The following EVI5L variants were observed in gnomAD, a reference collection of about 807,000 sequenced individuals.
The protein encoded by EVI5L is ecotropic viral integration site 5 like, also known as EVI5-like protein.
Under a neutral mutation model 106.1 loss-of-function variants are expected in EVI5L, and 30 were observed. The observed-to-expected ratio is 0.28, with a 90% CI of 0.21 to 0.38. EVI5L has a LOEUF of 0.38. EVI5L is among the 10% of genes least tolerant of loss of function. EVI5L has a pLI of 1.00. For missense variants in EVI5L, 809 were observed against 1,098.0 expected (o/e 0.74, Z 3.72); for synonymous variants, 489 against 483.3 (o/e 1.01, Z -0.15).
In EVI5L at chr19:7,863,312, C is replaced by T; in HGVS notation, c.2139+32C>T. The T allele has an allele frequency of 3.9e-6, 6 of 1,549,578 alleles. No homozygotes were observed. The highest frequency in any genetic ancestry group is 5.2e-6 in the Non-Finnish European group (6 of 1,146,650). ...CGGCGCGGGGATGCCGGGGACAGGC[C>T]TGGGTGTCGTCGGCCTGGGACGAGC... is the stretch of plus-strand genomic sequence containing the variant. On this transcript the variant is annotated intron_variant, in intron 19 of 19. Coordinates refer to ENST00000538904, the MANE Select transcript of EVI5L (RefSeq NM_001159944.3). The surrounding 1 kb of genome is among the most constrained non-coding windows in gnomAD (Gnocchi z 7.7).
intron 8 of EVI5L, 29 bp from the exon 9 acceptor site, chr19:7,853,057 T>C (rs1338544704): frequency 1.2e-6 from 2 of 1,612,770 alleles, no homozygotes; most frequent in South Asian, 2.2e-5. Context: ...TGCATGTTGG[T>C]GACCAGGTGA....
Position 7,863,313 on chromosome 19 carries a change from T to C in EVI5L, c.2139+33T>C. 6.5e-7 allele frequency: 1 copy of C among 1,549,212 alleles called. No individual in the cohort carries two copies. Among genetic ancestry groups the C allele is most frequent in the Non-Finnish European group, 8.7e-7 (1 of 1,146,448 alleles). The stretch of plus-strand genomic sequence containing the variant: ...GGCGCGGGGATGCCGGGGACAGGCC[T>C]GGGTGTCGTCGGCCTGGGACGAGCC... On this transcript the variant is annotated intron_variant, in intron 19 of 19. Coordinates refer to ENST00000538904, the MANE Select transcript of EVI5L (RefSeq NM_001159944.3). This position sits in a 1 kb window ranked among gnomAD's most constrained non-coding sequence, Gnocchi z 7.7.
chr19:7,858,311 C>T lies in EVI5L; in HGVS notation c.1354C>T (p.Arg452Trp). The T allele has an allele frequency of 1.3e-6, 2 of 1,548,102 alleles. No individual in the cohort carries two copies. Among genetic ancestry groups the T allele is most frequent in the South Asian group, 1.2e-5 (1 of 84,022 alleles). The change falls in exon 13 of 20, where the codon CGG becomes TGG. Residue 452 changes from arginine to tryptophan, a missense_variant. Physicochemically the swap from Arg to Trp is moderately radical, Grantham distance 101. This residue lies in a region of EVI5L where 452 missense variants were observed against 509.9 expected (regional missense o/e 0.89). Transcript: ENST00000538904. The surrounding 1 kb of genome is among the most constrained non-coding windows in gnomAD (Gnocchi z 5.7). ...EDLQKAQSTI[R>W]QLQEQQENPR... Reference sequence around the variant, plus strand: ...CCTGCAGAAGGCACAGAGCACCATCCGGCAGCTACAGGAGCAGCAGGTAGG... The same window carrying T: ...CCTGCAGAAGGCACAGAGCACCATCTGGCAGCTACAGGAGCAGCAGGTAGG...
chr19:7,859,838 G>A (rs1979716378), intron 13 of EVI5L, among the ~76,000 whole-genome samples: 1 of 152,266 alleles, frequency 6.6e-6, no homozygotes, highest in African/African-American at 2.4e-5. Flanking sequence ...GGGGCCTGGA[G>A]GCCATCTGGG....
Position 7,864,142 on chromosome 19 carries a change from G to A in EVI5L, c.*440G>A, listed in dbSNP as rs142824477. 1.5e-3 allele frequency: 257 copies of A among 167,586 alleles called. No homozygotes were observed. Among genetic ancestry groups the A allele is most frequent in the African/African-American group, 5.8e-3 (245 of 42,096 alleles). 10.4% of individuals were successfully genotyped at this position (167,586 alleles called of 1,614,324 possible). On this transcript the variant is annotated 3_prime_UTR_variant, in exon 20 of 20. Coordinates refer to ENST00000538904, the MANE Select transcript of EVI5L (RefSeq NM_001159944.3). This position sits in a 1 kb window ranked among gnomAD's most constrained non-coding sequence, Gnocchi z 4.5. ...TAGCCGAGGCCTGAGGAAGGAGAGC[G>A]CCAGCTCTGGGCTGGACATCAGCAC...
Position 7,863,646 on chromosome 19 carries a change from T to C in EVI5L, c.2362T>C (p.Ser788Pro), listed in dbSNP as rs1215292715. The change falls in exon 20 of 20, where the codon TCA becomes CCA. Residue 788 changes from serine to proline, a missense_variant. Ser to Pro is a moderately conservative substitution (Grantham distance 74). This residue lies in a region of EVI5L where 452 missense variants were observed against 509.9 expected (regional missense o/e 0.89). Transcript: ENST00000538904. This position sits in a 1 kb window ranked among gnomAD's most constrained non-coding sequence, Gnocchi z 7.7. The part of the protein sequence containing the change: ...ERPAKDSEGS[S>P]DSDADELAAP... The stretch of plus-strand genomic sequence containing the variant: ...GCCGGCCAAGGACAGCGAGGGCAGC[T>C]CAGACAGCGACGCCGATGAGCTGGC... 6.5e-7 allele frequency: 1 copy of C among 1,543,380 alleles called. No homozygotes were observed. The highest frequency in any genetic ancestry group is 1.2e-5 in the South Asian group (1 of 83,542).
intron 1 of EVI5L, among the ~76,000 whole-genome samples, chr19:7,844,264 A>G (rs1031849009): frequency 1.3e-5 from 2 of 149,818 alleles, no homozygotes; most frequent in African/African-American, 4.9e-5. Context: ...CCCGGGAGGT[A>G]GAGGTTGCAG....
At position 7,850,840 on chromosome 19, in the gene EVI5L, C is replaced by T. The variant is rs925911282; in HGVS notation, c.754-594C>T. Among the ~76,000 whole-genome samples the T allele has an allele frequency of 1.1e-4, 17 of 152,314 alleles. No homozygotes were observed. The highest frequency in any genetic ancestry group is 2.9e-4 in the African/African-American group (12 of 41,574). Reference sequence around the variant, plus strand: ...CACAGCCAAGCTTGCAAACTCAGGGCGCAGAGAGCCCCTGGCGCTGGGAGG... The same window carrying T: ...CACAGCCAAGCTTGCAAACTCAGGGTGCAGAGAGCCCCTGGCGCTGGGAGG... On this transcript the variant is annotated intron_variant, in intron 6 of 19. Coordinates refer to ENST00000538904, the MANE Select transcript of EVI5L (RefSeq NM_001159944.3). The surrounding 1 kb of genome is among the most constrained non-coding windows in gnomAD (Gnocchi z 5.4).
chr19:7,835,229 C>T lies in EVI5L; in HGVS notation c.-48+4848C>T, dbSNP rs897494666. 2.0e-5 allele frequency among the ~76,000 whole-genome samples: 3 copies of T among 151,964 alleles called. No individual in the cohort carries two copies. The highest frequency in any genetic ancestry group is 6.6e-5 in the Admixed American group (1 of 15,228). On this transcript the variant is annotated intron_variant, in intron 1 of 19. Transcript: ENST00000538904. This position sits in a 1 kb window ranked among gnomAD's most constrained non-coding sequence, Gnocchi z 4.1. ...AAAGATAGAAAGTGGTAGAGGAGGC[C>T]AGGAGCGGTGGCTCACACCTGTAAT...
rs1005200295 is a variant in EVI5L at position 7,863,836 on chromosome 19, C to T, written c.*134C>T. Reference sequence around the variant, plus strand: ...TGGCTCGGCCACCCCTAAAGCGAGGCCCGGCGAGGCAGCGCAGAGGGTAGG... The same window carrying T: ...TGGCTCGGCCACCCCTAAAGCGAGGTCCGGCGAGGCAGCGCAGAGGGTAGG... On this transcript the variant is annotated 3_prime_UTR_variant, in exon 20 of 20. Coordinates refer to ENST00000538904, the MANE Select transcript of EVI5L (RefSeq NM_001159944.3). This position sits in a 1 kb window ranked among gnomAD's most constrained non-coding sequence, Gnocchi z 7.7. 3 of 1,275,338 alleles carry T rather than the reference C, an allele frequency of 2.4e-6. No homozygotes were observed. Among genetic ancestry groups the T allele is most frequent in the Admixed American group, 6.4e-5 (2 of 31,354 alleles). The allele number at this position is 1,275,338 out of a possible 1,614,324, so 79.0% of individuals were successfully genotyped here.
At position 7,857,733 on chromosome 19, in the gene EVI5L, G is replaced by A. The variant is rs1979599388; in HGVS notation, c.1234-458G>A. On this transcript the variant is annotated intron_variant, in intron 12 of 19. Transcript: ENST00000538904. This position sits in a 1 kb window ranked among gnomAD's most constrained non-coding sequence, Gnocchi z 4.5. ...AGGGGGTCTTAGCTCCAGGCAGGTG[G>A]AGGCCCCAGAGCCCAGGACTAGAGA... 1.1e-5 allele frequency: 2 copies of A among 183,408 alleles called. No individual in the cohort carries two copies. The highest frequency in any genetic ancestry group is 5.6e-5 in the Admixed American group (1 of 18,016). 11.4% of individuals were successfully genotyped at this position (183,408 alleles called of 1,614,324 possible).
chr19:7,830,731 G>T (rs1181755736), intron 1 of EVI5L, among the ~76,000 whole-genome samples: 3 of 42,488 alleles, frequency 7.1e-5, no homozygotes, highest in Admixed American at 6.2e-4. Flanking sequence ...CCACTCCGCC[G>T]ATCAGCCCCT....
intron 1 of EVI5L, among the ~76,000 whole-genome samples, chr19:7,842,497 AAAGT>A (rs1211693799): frequency 7.0e-6 from 1 of 142,760 alleles, no homozygotes; most frequent in Non-Finnish European, 1.5e-5. Context: ...GGGATGTGTG[AAAGT>A]GTGTGTATCA....
At chr19:7,851,367 A>G in intron 6 of EVI5L, 67 bp from the exon 7 acceptor site, 8 of 1,549,656 alleles carry the variant, frequency 5.2e-6, no homozygotes, top group Non-Finnish European at 8.7e-7. Flanking sequence ...GGGGACACTG[A>G]GGCCCAGCAC....
rs1244742161 is a variant in EVI5L at position 7,856,614 on chromosome 19, A to G, written c.1201-478A>G. Among the ~76,000 whole-genome samples the G allele has an allele frequency of 6.6e-6, 1 of 151,676 alleles. No individual in the cohort carries two copies. Among genetic ancestry groups the G allele is most frequent in the Non-Finnish European group, 1.5e-5 (1 of 67,896 alleles). On this transcript the variant is annotated intron_variant, in intron 11 of 19. Coordinates refer to ENST00000538904, the MANE Select transcript of EVI5L (RefSeq NM_001159944.3). This position sits in a 1 kb window ranked among gnomAD's most constrained non-coding sequence, Gnocchi z 6.6. ...CAATTCCTGCTCCTCACTCGTCCTC[A>G]CTTGACCCTCCACTGGCCACAGGAA...
rs1341380272 is a variant in EVI5L, at chr19:7,862,890, T to C, written c.1948-82T>C. 6.1e-6 allele frequency: 5 copies of C among 814,446 alleles called. No individual in the cohort carries two copies. In the Admixed American group the frequency reaches 1.5e-4, roughly 25 times the overall value. 50.5% of individuals were successfully genotyped at this position (814,446 alleles called of 1,614,324 possible). A position where few individuals can be genotyped will look rare whatever the true frequency, so the allele number is the denominator to read the frequency against. On this transcript the variant is annotated intron_variant, in intron 17 of 19. Transcript: ENST00000538904. ...CTCCGCCCGCGGCCCCGCCTCCTCA[T>C]TCGCCCCTGCCCGCGGTCCCGCCCC...
At chr19:7,854,599 G>A (rs566720211) in intron 10 of EVI5L, among the ~76,000 whole-genome samples, 10 of 152,278 alleles carry the variant, frequency 6.6e-5, no homozygotes, top group Admixed American at 2.0e-4. Flanking sequence ...GCAATACCCC[G>A]TCTTTACAAA....
Position 7,858,189 on chromosome 19 carries a change from A to C in EVI5L, c.1234-2A>C. The C allele has an allele frequency of 6.4e-7, 1 of 1,559,060 alleles. No individual in the cohort carries two copies. Among genetic ancestry groups the C allele is most frequent in the Non-Finnish European group, 8.7e-7 (1 of 1,151,642 alleles). ...CCTGCCCCCTGTCCTCGCTGTTCTC[A>C]GGGGCAAGTGACACGGGCGCAGGAG... On this transcript the variant is annotated splice_acceptor_variant, in intron 12 of 19. Coordinates refer to ENST00000538904, the MANE Select transcript of EVI5L (RefSeq NM_001159944.3). LOFTEE classifies it high-confidence loss of function. The surrounding 1 kb of genome is among the most constrained non-coding windows in gnomAD (Gnocchi z 5.7).
At chr19:7,853,505 A>G (rs1290831463) in intron 10 of EVI5L, 172 bp downstream of exon 10, 3 of 844,660 alleles carry the variant, frequency 3.6e-6, no homozygotes, top group African/African-American at 3.4e-5. Flanking sequence ...CTGTTAGGCC[A>G]GCTGTGAGCG....
Sources: allele counts gnomAD v4.1 joint callset (sites outside exome capture counted in the v4.1 genomes callset), GRCh38; gene constraint gnomAD v4.1.1; regional missense constraint gnomAD v4.1.1; non-coding constraint Gnocchi (gnomAD v3.1); transcripts MANE v1.5; gene names NCBI Gene and HGNC (gene_info 2026-07-23, HGNC 2026-07-21).